LDLRAD3: variants seen among roughly 807,000 people sequenced by gnomAD.
The protein encoded by LDLRAD3 is low density lipoprotein receptor class A domain containing 3.
A neutral mutation model predicts 29.4 loss-of-function variants in LDLRAD3; 20 were observed. The ratio of observed to expected loss-of-function variants is 0.68; its 90% CI spans 0.48 to 0.99. LDLRAD3 has a LOEUF of 0.99. LDLRAD3 is among the 50% of genes least tolerant of loss of function. The pLI is 0.00. For missense variants in LDLRAD3, 420 were observed against 454.3 expected, an observed-to-expected ratio of 0.92 and a Z score of 0.69; for synonymous variants, 157 against 192.7, an observed-to-expected ratio of 0.81 and a Z score of 1.53.
chr11:36,009,223 A>G (rs1021182207), intron 1 of LDLRAD3, among the ~76,000 whole-genome samples: 3 of 152,216 alleles, frequency 2.0e-5, no homozygotes, highest in African/African-American at 7.2e-5. Flanking sequence ...CTGAAGAGTT[A>G]ATTTCCTTAT....
chr11:36,128,140 A>ATATATATATATATATATATATATATG (rs1224846486), intron 4 of LDLRAD3, among the ~76,000 whole-genome samples: 3 of 132,866 alleles, frequency 2.3e-5, no homozygotes, highest in African/African-American at 5.1e-5. Context: ...ATATATGTAT[A>ATATATATATATATATATATATATATG]TGACATGTAG....
intron 4 of LDLRAD3, among the ~76,000 whole-genome samples, chr11:36,144,761 G>A (rs1199101078): frequency 1.5e-5 from 2 of 136,662 alleles, no homozygotes; most frequent in East Asian, 4.6e-4. Flanking sequence ...GGGAGGTGGG[G>A]GTCAGCCCCC....
chr11:36,145,444 G>T (rs568385795), intron 4 of LDLRAD3, among the ~76,000 whole-genome samples: 1 of 115,378 alleles, frequency 8.7e-6, no homozygotes, highest in Non-Finnish European at 1.8e-5. Context: ...GCCTCTGCCC[G>T]GCCGCCCCTA....
At chr11:35,980,856 A>G (rs1433598971) in intron 1 of LDLRAD3, among the ~76,000 whole-genome samples, 1 of 152,204 alleles carries the variant, frequency 6.6e-6, no homozygotes, top group African/African-American at 2.4e-5. Flanking sequence ...TGATATGTCA[A>G]TTGCCCAGTG....
At chr11:36,145,023 G>A (rs1854159172) in intron 4 of LDLRAD3, among the ~76,000 whole-genome samples, 1 of 115,478 alleles carries the variant, frequency 8.7e-6, no homozygotes, top group African/African-American at 3.2e-5. Context: ...CGTCCGGGAG[G>A]TGAGGGGCGC....
intron 4 of LDLRAD3, among the ~76,000 whole-genome samples, chr11:36,103,418 T>C (rs1339059000): frequency 6.6e-6 from 1 of 152,018 alleles, no homozygotes; most frequent in African/African-American, 2.4e-5. Context: ...TTTTGTATTT[T>C]TTAGTAGAGA....
intron 3 of LDLRAD3, among the ~76,000 whole-genome samples, chr11:36,096,116 C>T (rs1193002568): frequency 6.6e-6 from 1 of 152,188 alleles, no homozygotes; most frequent in Admixed American, 6.5e-5. Flanking sequence ...ATCATTGGTC[C>T]ATCATCCTCA....
intron 1 of LDLRAD3, among the ~76,000 whole-genome samples, chr11:35,960,282 T>C (rs1016239004): frequency 6.6e-5 from 10 of 152,250 alleles, no homozygotes; most frequent in Non-Finnish European, 2.9e-5. Flanking sequence ...TACTACACTT[T>C]GCTCATTCAT....
At chr11:36,170,458 A>G (rs1015020540) in intron 4 of LDLRAD3, among the ~76,000 whole-genome samples, 4 of 152,024 alleles carry the variant, frequency 2.6e-5, no homozygotes, top group South Asian at 2.1e-4. Flanking sequence ...TTGTGCTGCT[A>G]TAAACATGTA....
chr11:36,115,586 C>T (rs1853663077), intron 4 of LDLRAD3, among the ~76,000 whole-genome samples: 1 of 152,210 alleles, frequency 6.6e-6, no homozygotes, highest in Non-Finnish European at 1.5e-5. Context: ...CTACTGACCT[C>T]AAGCTCTGCT....
intron 4 of LDLRAD3, among the ~76,000 whole-genome samples, chr11:36,148,373 C>A (rs1254077138): frequency 6.6e-6 from 1 of 152,112 alleles, no homozygotes; most frequent in Admixed American, 6.5e-5. Flanking sequence ...TCTCGATACA[C>A]TCAGGGTGTA....
intron 4 of LDLRAD3, among the ~76,000 whole-genome samples, chr11:36,149,514 G>A (rs536743888): frequency 1.3e-5 from 2 of 152,214 alleles, no homozygotes; most frequent in African/African-American, 4.8e-5. Context: ...TGTCTGAGAC[G>A]CTGTCCCTGC....
At chr11:36,140,992 T>TTCTTTCTCTCTCTCTC (rs1279929124) in intron 4 of LDLRAD3, among the ~76,000 whole-genome samples, 69 of 110,050 alleles carry the variant, frequency 6.3e-4, no homozygotes, top group African/African-American at 2.0e-3. Flanking sequence ...CTGTTGAGCT[T>TTCTTTCTCTCTCTCTC]TCTCTCTCTC....
At chr11:36,145,092 G>A (rs1454062782) in intron 4 of LDLRAD3, among the ~76,000 whole-genome samples, 3 of 95,474 alleles carry the variant, frequency 3.1e-5, no homozygotes, top group African/African-American at 4.9e-5. Context: ...CAGCCGCCCC[G>A]TCCGGGAGGG....
In LDLRAD3 at chr11:36,229,229, G is replaced by GC; in HGVS notation, c.876dup (p.Tyr293LeufsTer40). The GC allele has an allele frequency of 1.9e-6, 3 of 1,613,902 alleles. No homozygotes were observed. In the South Asian group the frequency reaches 3.3e-5, roughly 18 times the overall value. On this transcript the variant is annotated frameshift_variant, in exon 6 of 6. Transcript: ENST00000315571. LOFTEE classifies it high-confidence loss of function. ...CGGAATCTCTGAACCAAGCCGACCT[G>GC]CCCCCCTACCGCTCCCGGTCCGGGA... is the stretch of plus-strand genomic sequence containing the variant.
At chr11:36,012,515 A>G (rs1435307999) in intron 1 of LDLRAD3, among the ~76,000 whole-genome samples, 1 of 152,172 alleles carries the variant, frequency 6.6e-6, no homozygotes. Context: ...TGGGGCCATT[A>G]TTAAATAAAA....
intron 4 of LDLRAD3, among the ~76,000 whole-genome samples, chr11:36,181,391 C>A (rs1002606390): frequency 6.6e-6 from 1 of 152,154 alleles, no homozygotes. Context: ...GCATCACCTC[C>A]CAGTAATCCT....
intron 2 of LDLRAD3, among the ~76,000 whole-genome samples, chr11:36,036,889 G>A (rs1852311770): frequency 6.6e-6 from 1 of 152,092 alleles, no homozygotes; most frequent in Non-Finnish European, 1.5e-5. Flanking sequence ...CCCTTTACCT[G>A]TTTCATGACG....
In LDLRAD3 at chr11:36,208,071, C is replaced by G. The variant is rs77665568; in HGVS notation, c.455-19014C>G. ...AGAAGAGTTAGAGTTGATTCTAGGC[C>G]TGGGGCTGGGAAATACAAGATGAGC... On this transcript the variant is annotated intron_variant, in intron 4 of 5. Transcript: ENST00000315571. 3.9e-5 allele frequency among the ~76,000 whole-genome samples: 6 copies of G among 152,134 alleles called. No individual in the cohort carries two copies. In the East Asian group the frequency reaches 1.2e-3, roughly 29 times the overall value.
Sources: gnomAD v4.1 joint callset for allele counts (sites outside exome capture counted in the v4.1 genomes callset) on GRCh38, gnomAD v4.1.1 for gene constraint, MANE v1.5 for transcripts, NCBI Gene and HGNC (gene_info 2026-07-23, HGNC 2026-07-21) for gene names.